Variants in SHANK2 observed in about 807,000 individuals in gnomAD.
SHANK2 encodes SH3 and multiple ankyrin repeat domains protein 2.
A neutral mutation model predicts 133.7 loss-of-function variants in SHANK2; 43 were observed. That is an observed-to-expected ratio of 0.32 (90% CI 0.25 to 0.41). SHANK2 has a LOEUF of 0.41. SHANK2 is among the 10% of genes least tolerant of loss of function. The probability of loss-of-function intolerance (pLI) is 1.00; values close to 1 mark genes in which losing one functional copy is unlikely to be tolerated. For missense variants in SHANK2, 1,994 were observed against 2,235.8 expected, an observed-to-expected ratio of 0.89 and a Z score of 2.18; for synonymous variants, 1,017 against 952.8, an observed-to-expected ratio of 1.07 and a Z score of -1.24.
At position 70,629,536 on chromosome 11, in the gene SHANK2, G is replaced by A. The variant is rs368768184; in HGVS notation, c.2061+30292C>T. Among the ~76,000 whole-genome samples the A allele has an allele frequency of 3.8e-4, 58 of 152,230 alleles. No homozygotes were observed. The East Asian group carries it at 6.8e-3, about 18-fold the overall frequency. On this transcript the variant is annotated intron_variant, in intron 17 of 25. Transcript: ENST00000601538. ...GCGGGCCACCGTGACCCTGGGGGCC[G>A]CATGTGGTGGGAAGGGCAGCGGGAT...
chr11:70,835,541 G>A (rs1948801316), intron 11 of SHANK2, among the ~76,000 whole-genome samples: 1 of 152,184 alleles, frequency 6.6e-6, no homozygotes, highest in Non-Finnish European at 1.5e-5. Flanking sequence ...TGGGCTGGGG[G>A]CTTATGGAGG....
chr11:70,721,192 C>T (rs560483257), intron 14 of SHANK2, among the ~76,000 whole-genome samples: 5 of 152,218 alleles, frequency 3.3e-5, no homozygotes, highest in Non-Finnish European at 7.3e-5. Context: ...CTGCTCCTTC[C>T]CGAAAGAGGC....
chr11:70,523,532 C>T (rs1219062650), intron 17 of SHANK2, among the ~76,000 whole-genome samples: 1 of 152,180 alleles, frequency 6.6e-6, no homozygotes, highest in Admixed American at 6.5e-5. Flanking sequence ...CCCTGCTCTG[C>T]TGGGGAGGAT....
intron 10 of SHANK2, among the ~76,000 whole-genome samples, chr11:70,925,378 G>A (rs1400278665): frequency 2.0e-5 from 3 of 152,198 alleles, no homozygotes; most frequent in Non-Finnish European, 4.4e-5. Context: ...CCCAATAGGA[G>A]TAGGTATCAC....
At chr11:70,605,198 T>G (rs992023867) in intron 17 of SHANK2, among the ~76,000 whole-genome samples, 3 of 152,156 alleles carry the variant, frequency 2.0e-5, no homozygotes, top group Non-Finnish European at 4.4e-5. Flanking sequence ...TGCCAAATCT[T>G]AAAGTAAACA....
At chr11:70,662,882 G>T (rs1944596038) in intron 15 of SHANK2, among the ~76,000 whole-genome samples, 1 of 152,132 alleles carries the variant, frequency 6.6e-6, no homozygotes, top group African/African-American at 2.4e-5. Flanking sequence ...CCTTCTGGGT[G>T]GCCTGCGGGG....
rs1255489340 is a variant in SHANK2 at position 70,469,840 on chromosome 11, T to C, written c.*3029A>G. ...CAGTCACATTGAGTAATTTTTATAT[T>C]ATGTGAATTAACTTAAAATGTGCGC... On this transcript the variant is annotated 3_prime_UTR_variant, in exon 26 of 26. Transcript: ENST00000601538. 1.3e-5 allele frequency: 2 copies of C among 152,678 alleles called. No individual in the cohort carries two copies. Among genetic ancestry groups the C allele is most frequent in the African/African-American group, 4.8e-5 (2 of 41,472 alleles). 9.5% of individuals were successfully genotyped at this position (152,678 alleles called of 1,614,324 possible). A position where few individuals can be genotyped will look rare whatever the true frequency, so the allele number is the denominator to read the frequency against.
chr11:70,762,018 G>A (rs73529971), intron 14 of SHANK2, among the ~76,000 whole-genome samples: 2,167 of 152,256 alleles, frequency 0.014, 53 homozygotes, highest in African/African-American at 0.049. Context: ...CTGCTGCCCT[G>A]GCCCCGCCCA....
chr11:70,915,649 G>A lies in SHANK2; in HGVS notation c.1108-19082C>T, dbSNP rs1555079728. Among the ~76,000 whole-genome samples the A allele has an allele frequency of 2.0e-5, 3 of 152,142 alleles. No homozygotes were observed. In the South Asian group the frequency reaches 6.2e-4, roughly 32 times the overall value. On this transcript the variant is annotated intron_variant, in intron 10 of 25. Coordinates refer to ENST00000601538, the MANE Select transcript of SHANK2 (RefSeq NM_012309.5). ...GCATGGCTGCAAGGTCCAGGAGGGA[G>A]TTAAAGGCAACAGGCATAAGAGAAT...
chr11:70,723,653 G>T (rs553014576), intron 14 of SHANK2, among the ~76,000 whole-genome samples: 1 of 152,224 alleles, frequency 6.6e-6, no homozygotes, highest in African/African-American at 2.4e-5. Flanking sequence ...TGATTTTATG[G>T]TAATATTGTC....
intron 8 of SHANK2, among the ~76,000 whole-genome samples, chr11:71,084,512 C>A (rs982225922): frequency 5.3e-5 from 8 of 152,216 alleles, no homozygotes; most frequent in African/African-American, 1.9e-4. Context: ...GGCTCTCCCA[C>A]ACGATGAACG....
At chr11:70,679,079 G>A (rs991099176) in intron 15 of SHANK2, among the ~76,000 whole-genome samples, 9 of 152,196 alleles carry the variant, frequency 5.9e-5, no homozygotes, top group Non-Finnish European at 1.2e-4. Flanking sequence ...AACAGGTGAC[G>A]GCACGGGGTC....
At chr11:70,698,399 G>A (rs887381409) in intron 15 of SHANK2, 28 of 492,130 alleles carry the variant, frequency 5.7e-5, no homozygotes, top group East Asian at 1.5e-4. Context: ...GCCCACTGCC[G>A]TCATCCTTGA....
chr11:71,235,464 T>C (rs1555123582), intron 1 of SHANK2, among the ~76,000 whole-genome samples: 1 of 151,602 alleles, frequency 6.6e-6, no homozygotes, highest in African/African-American at 2.4e-5. Flanking sequence ...CATGGTGACA[T>C]GCACCTGTAA....
intron 14 of SHANK2, among the ~76,000 whole-genome samples, chr11:70,754,063 C>T (rs1033641168): frequency 2.0e-5 from 3 of 152,226 alleles, no homozygotes; most frequent in Non-Finnish European, 4.4e-5. Context: ...CCACCCACCT[C>T]GGCCTCCCGA....
intron 6 of SHANK2, among the ~76,000 whole-genome samples, chr11:71,098,311 G>A (rs1203320954): frequency 6.6e-6 from 1 of 152,310 alleles, no homozygotes; most frequent in Middle Eastern, 3.4e-3. Flanking sequence ...GTGTGCATGT[G>A]TGCACACCCG....
intron 2 of SHANK2, among the ~76,000 whole-genome samples, chr11:71,150,456 G>A (rs1952776411): frequency 1.3e-5 from 2 of 151,616 alleles, no homozygotes. Context: ...AAGGAAAGCT[G>A]AGAAGACTTC....
At chr11:70,607,119 C>A (rs948190) in intron 17 of SHANK2, among the ~76,000 whole-genome samples, 4 of 151,932 alleles carry the variant, frequency 2.6e-5, no homozygotes, top group Non-Finnish European at 5.9e-5. Flanking sequence ...CAGACGGGGG[C>A]GGCCTTCCTG....
At chr11:70,628,774 C>G (rs1052975693) in intron 17 of SHANK2, among the ~76,000 whole-genome samples, 2 of 152,222 alleles carry the variant, frequency 1.3e-5, no homozygotes, top group Non-Finnish European at 2.9e-5. Flanking sequence ...CCCACCTGCC[C>G]TCCCCAGGAC....
Sources: allele counts gnomAD v4.1 joint callset (sites outside exome capture counted in the v4.1 genomes callset), GRCh38; gene constraint gnomAD v4.1.1; transcripts MANE v1.5; gene names NCBI Gene and HGNC (gene_info 2026-07-23, HGNC 2026-07-21).